DYSF: variants seen among roughly 807,000 people sequenced by gnomAD.
The protein encoded by DYSF is dystrophy-associated fer-1-like 1.
Under a neutral mutation model 274.9 loss-of-function variants are expected in DYSF, and 212 were observed. The observed-to-expected ratio is 0.77, with a 90% CI of 0.69 to 0.86. The LOEUF (loss-of-function observed/expected upper bound fraction) is 0.86. Among genes scored for constraint, DYSF ranks in the 40% least tolerant of loss-of-function variants. DYSF has a pLI of 0.00. For synonymous variants in DYSF, 1,091 were observed against 1,078.7 expected (o/e 1.01, Z -0.22); for missense variants, 2,666 against 2,783.2 (o/e 0.96, Z 0.95).
At chr2:71,551,933 G>C (rs1054412675) in intron 19 of DYSF, among the ~76,000 whole-genome samples, 3 of 152,232 alleles carry the variant, frequency 2.0e-5, no homozygotes, top group Admixed American at 6.5e-5. Context: ...GAGGCTCAGA[G>C]AAGATAAATG....
Position 71,570,222 on chromosome 2 carries a change from T to G in DYSF, c.2980-7T>G, listed in dbSNP as rs941467136. 2 of 1,613,766 alleles carry G rather than the reference T, an allele frequency of 1.2e-6. No homozygotes were observed. The highest frequency in any genetic ancestry group is 1.7e-6 in the Non-Finnish European group (2 of 1,179,662). The stretch of plus-strand genomic sequence containing the variant: ...CTCATTGCTTGCCTGTTCGGTTTTG[T>G]CCTTAGAACGGGGAGAAGGTGCTTC... On this transcript the variant is annotated splice_region_variant and splice_polypyrimidine_tract_variant and intron_variant, in intron 27 of 55. Coordinates refer to ENST00000410020, the MANE Select transcript of DYSF (RefSeq NM_001130987.2).
Position 71,511,939 on chromosome 2 carries a change from G to T in DYSF, c.460+18G>T. The T allele has an allele frequency of 1.4e-6, 2 of 1,470,684 alleles. No individual in the cohort carries two copies. The highest frequency in any genetic ancestry group is 1.2e-5 in the South Asian group (1 of 82,448). The allele number at this position is 1,470,684 out of a possible 1,614,324, so 91.1% of individuals were successfully genotyped here. On this transcript the variant is annotated intron_variant, in intron 5 of 55. Transcript: ENST00000410020. Reference sequence around the variant, plus strand: ...AGTGGCAGGTGGGTAGCCCACGTTGGCCTGGCTGGGCCCCAGCAAGAAGGC... The same window carrying T: ...AGTGGCAGGTGGGTAGCCCACGTTGTCCTGGCTGGGCCCCAGCAAGAAGGC...
At chr2:71,613,914 C>G (rs558942091) in intron 40 of DYSF, among the ~76,000 whole-genome samples, 3 of 152,216 alleles carry the variant, frequency 2.0e-5, no homozygotes. Flanking sequence ...TCGCCCCATT[C>G]CTCCATCTGC....
intron 33 of DYSF, 68 bp downstream of exon 33, chr2:71,598,813 G>A (rs1306512666): frequency 6.3e-7 from 1 of 1,580,502 alleles, no homozygotes; most frequent in Non-Finnish European, 8.6e-7. Context: ...GGGGTCTCCA[G>A]GGACTCGTGG....
At chr2:71,611,403 G>T (rs781147394) in intron 37 of DYSF, 57 bp downstream of exon 37, 13 of 1,613,962 alleles carry the variant, frequency 8.1e-6, no homozygotes, top group Non-Finnish European at 1.0e-5. Context: ...TCCCCTTCCT[G>T]GCCCCAGCCT....
intron 41 of DYSF, among the ~76,000 whole-genome samples, chr2:71,626,918 A>G (rs2094217004): frequency 6.6e-6 from 1 of 151,662 alleles, no homozygotes; most frequent in Non-Finnish European, 1.5e-5. Context: ...TAAATTTTCT[A>G]GGAATTATCT....
chr2:71,617,120 C>T (rs984787623), intron 40 of DYSF, among the ~76,000 whole-genome samples: 1 of 152,158 alleles, frequency 6.6e-6, no homozygotes, highest in Non-Finnish European at 1.5e-5. Flanking sequence ...ATGGCAAGGG[C>T]GGCTCTTGCT....
At chr2:71,570,413 G>C (rs908390273) in intron 28 of DYSF, 79 bp downstream of exon 28, 5 of 1,506,178 alleles carry the variant, frequency 3.3e-6, no homozygotes, top group African/African-American at 1.4e-5. Context: ...CTGAATGCCA[G>C]GGCCCTTCAC....
intron 41 of DYSF, among the ~76,000 whole-genome samples, chr2:71,621,824 T>A (rs1329304937): frequency 6.6e-6 from 1 of 151,920 alleles, no homozygotes; most frequent in Non-Finnish European, 1.5e-5. Context: ...CACACGTGGC[T>A]AATTTTTTGT....
At chr2:71,678,185 C>G (rs757352096) in intron 52 of DYSF, among the ~76,000 whole-genome samples, 3 of 152,022 alleles carry the variant, frequency 2.0e-5, no homozygotes, top group Non-Finnish European at 4.4e-5. Context: ...TAATTTTATG[C>G]ATGAAACAAA....
chr2:71,612,426 G>GT (rs1441059945), intron 38 of DYSF, among the ~76,000 whole-genome samples: 1 of 152,214 alleles, frequency 6.6e-6, no homozygotes, highest in African/African-American at 2.4e-5. Context: ...AGGTAAAGCT[G>GT]TGGGGGGAAA....
intron 55 of DYSF, among the ~76,000 whole-genome samples, chr2:71,684,760 T>C (rs891483836): frequency 2.0e-5 from 3 of 152,144 alleles, no homozygotes; most frequent in Non-Finnish European, 4.4e-5. Flanking sequence ...ACATGATGGT[T>C]GGAGAAACCC....
chr2:71,509,263 A>C (rs1251248045), intron 4 of DYSF, among the ~76,000 whole-genome samples: 1 of 152,172 alleles, frequency 6.6e-6, no homozygotes, highest in Non-Finnish European at 1.5e-5. Flanking sequence ...CCCAGGCTCA[A>C]GTGATTCTCC....
chr2:71,453,702 G>C (rs1162786395), exon 1 of DYSF: 1 of 474,694 alleles, frequency 2.1e-6, no homozygotes, highest in Non-Finnish European at 3.9e-6. Context: ...CAGCTCGACG[G>C]AGCTCGGGAA....
chr2:71,602,694 T>C, intron 35 of DYSF, 82 bp from the exon 36 acceptor site: 3 of 1,513,300 alleles, frequency 2.0e-6, no homozygotes, highest in Non-Finnish European at 2.7e-6. Context: ...CTAGTGCGCC[T>C]TGATACTAAT....
chr2:71,611,382 C>CA (rs1167699774), intron 37 of DYSF, 36 bp downstream of exon 37: 3 of 1,613,790 alleles, frequency 1.9e-6, no homozygotes, highest in South Asian at 1.1e-5. Context: ...GGGCTGGGAG[C>CA]AGCCTGCCCT....
chr2:71,612,939 A>G, intron 39 of DYSF, 133 bp downstream of exon 39: 1 of 1,220,376 alleles, frequency 8.2e-7, no homozygotes, highest in Non-Finnish European at 1.1e-6. Flanking sequence ...CTGCTCTGCT[A>G]GACCACAGGG....
At chr2:71,571,903 A>ACAGCTCACACCCAGCACACG (rs2092495831) in intron 29 of DYSF, among the ~76,000 whole-genome samples, 3 of 135,040 alleles carry the variant, frequency 2.2e-5, no homozygotes, top group Non-Finnish European at 4.7e-5. Flanking sequence ...CCCAGCACAC[A>ACAGCTCACACCCAGCACACG]CACAGATCAC....
At chr2:71,571,068 G>GCACA (rs1266374077) in intron 29 of DYSF, among the ~76,000 whole-genome samples, 3 of 122,082 alleles carry the variant, frequency 2.5e-5, no homozygotes, top group African/African-American at 3.7e-5. Context: ...ATCACACCCA[G>GCACA]CACACAGATT....
Sources: allele counts gnomAD v4.1 joint callset (sites outside exome capture counted in the v4.1 genomes callset), GRCh38; gene constraint gnomAD v4.1.1; transcripts MANE v1.5; gene names NCBI Gene and HGNC (gene_info 2026-07-23, HGNC 2026-07-21).